Variants in XKR4 observed in about 807,000 individuals in gnomAD.
XKR4 encodes XK related 4.
In XKR4, 12 loss-of-function variants were observed where a neutral mutation model predicts 53.9. The ratio of observed to expected loss-of-function variants is 0.22; its 90% CI spans 0.14 to 0.36. The LOEUF is 0.36. Ranked by LOEUF, XKR4 falls within the 10% of genes least tolerant of loss-of-function variation. XKR4 has a pLI of 1.00. For synonymous variants in XKR4, 354 were observed against 362.4 expected (o/e 0.98, Z 0.26); for missense variants, 799 against 859.5 (o/e 0.93, Z 0.88).
At chr8:55,115,456 T>C (rs922346837) in intron 1 of XKR4, among the ~76,000 whole-genome samples, 1 of 151,898 alleles carries the variant, frequency 6.6e-6, no homozygotes, top group Non-Finnish European at 1.5e-5. Flanking sequence ...ATGTTTTGAA[T>C]GGCAAAAGAA....
chr8:55,320,855 A>C (rs1271349567), intron 1 of XKR4, among the ~76,000 whole-genome samples: 1 of 152,094 alleles, frequency 6.6e-6, no homozygotes, highest in African/African-American at 2.4e-5. Context: ...CTTCTGTCGT[A>C]GTTTTTTATG....
At chr8:55,456,202 C>A (rs896577601) in intron 2 of XKR4, among the ~76,000 whole-genome samples, 1 of 152,092 alleles carries the variant, frequency 6.6e-6, no homozygotes, top group Non-Finnish European at 1.5e-5. Flanking sequence ...AAGGCCAAGG[C>A]GGGCGGATCA....
chr8:55,511,923 C>T (rs1471526762), intron 2 of XKR4, among the ~76,000 whole-genome samples: 1 of 152,088 alleles, frequency 6.6e-6, no homozygotes, highest in African/African-American at 2.4e-5. Flanking sequence ...CCTTCAATCC[C>T]GGGGCATTGA....
chr8:55,510,305 T>C (rs1806607916), intron 2 of XKR4, among the ~76,000 whole-genome samples: 1 of 151,572 alleles, frequency 6.6e-6, no homozygotes, highest in Non-Finnish European at 1.5e-5. Flanking sequence ...AGGAAGGGGG[T>C]CTCCAGGCAG....
At chr8:55,259,170 C>G (rs543213019) in intron 1 of XKR4, among the ~76,000 whole-genome samples, 1 of 152,322 alleles carries the variant, frequency 6.6e-6, no homozygotes, top group Admixed American at 6.5e-5. Context: ...GCACCGGCAT[C>G]CACTGCGCGG....
At chr8:55,454,676 G>A in intron 2 of XKR4, 1 of 940,202 alleles carries the variant, frequency 1.1e-6, no homozygotes, top group South Asian at 1.4e-5. Flanking sequence ...ACGTTCCCTG[G>A]GAACACATTC....
At chr8:55,209,299 C>A (rs1249302775) in intron 1 of XKR4, among the ~76,000 whole-genome samples, 1 of 152,080 alleles carries the variant, frequency 6.6e-6, no homozygotes, top group Non-Finnish European at 1.5e-5. Flanking sequence ...TACACATGGG[C>A]TCCCACACTT....
chr8:55,455,279 G>A (rs1297495844), intron 2 of XKR4: 2 of 165,418 alleles, frequency 1.2e-5, no homozygotes, highest in Non-Finnish European at 1.3e-5. Context: ...CTGCGGCGGC[G>A]GCCCGGGCTC....
intron 1 of XKR4, among the ~76,000 whole-genome samples, chr8:55,122,926 G>T: frequency 6.6e-6 from 1 of 152,150 alleles, no homozygotes; most frequent in Non-Finnish European, 1.5e-5. Context: ...GGTGAAGACG[G>T]AATGGCAGGG....
intron 1 of XKR4, among the ~76,000 whole-genome samples, chr8:55,344,374 T>C (rs1803604164): frequency 6.6e-6 from 1 of 152,028 alleles, no homozygotes; most frequent in Non-Finnish European, 1.5e-5. Context: ...GAACAGGGCT[T>C]AGGACAAAGG....
chr8:55,346,071 T>C (rs1803634408), intron 1 of XKR4, among the ~76,000 whole-genome samples: 1 of 148,936 alleles, frequency 6.7e-6, no homozygotes. Context: ...AGAATTTACA[T>C]TTTCTTTTTC....
chr8:55,231,583 T>A (rs1174569394), intron 1 of XKR4, among the ~76,000 whole-genome samples: 3 of 152,078 alleles, frequency 2.0e-5, no homozygotes, highest in Non-Finnish European at 4.4e-5. Context: ...GGGTTCAAAT[T>A]GAAGTAGCAC....
chr8:55,302,203 T>C (rs1400402365), intron 1 of XKR4, among the ~76,000 whole-genome samples: 1 of 152,342 alleles, frequency 6.6e-6, no homozygotes, highest in East Asian at 1.9e-4. Context: ...CAGTTTCAGC[T>C]TTCTACATAT....
chr8:55,404,412 C>A (rs150952371), intron 2 of XKR4, among the ~76,000 whole-genome samples: 2 of 152,238 alleles, frequency 1.3e-5, no homozygotes, highest in Non-Finnish European at 2.9e-5. Context: ...ATTTAGGAAC[C>A]ATGATCAGCA....
At chr8:55,166,218 G>T (rs904251708) in intron 1 of XKR4, among the ~76,000 whole-genome samples, 2 of 152,158 alleles carry the variant, frequency 1.3e-5, no homozygotes, top group Non-Finnish European at 2.9e-5. Context: ...ATTATATTTG[G>T]TTATAGAAGG....
intron 1 of XKR4, among the ~76,000 whole-genome samples, chr8:55,348,723 G>C (rs76969720): frequency 0.13 from 17,872 of 142,062 alleles, 1,079 homozygotes; most frequent in African/African-American, 0.15. Context: ...CACACACACA[G>C]AGAGAGAGAT....
At position 55,314,714 on chromosome 8, in the gene XKR4, T is replaced by A. The variant is rs371541671; in HGVS notation, c.807-42964T>A. On this transcript the variant is annotated intron_variant, in intron 1 of 2. Transcript: ENST00000327381. The stretch of plus-strand genomic sequence containing the variant: ...AGAATGCGTGTGCACATTAGGGCAA[T>A]TGGTAACAGGCTCCCAAAGTCTGGG... Among the ~76,000 whole-genome samples the A allele has an allele frequency of 2.3e-3, 346 of 152,312 alleles. 14 individuals carry two copies. In the South Asian group the frequency reaches 0.069, roughly 30 times the overall value.
At chr8:55,451,799 G>C in intron 2 of XKR4, 4 of 1,008,828 alleles carry the variant, frequency 4.0e-6, no homozygotes, top group Non-Finnish European at 6.2e-6. Context: ...TGATAGTCGC[G>C]GCAGCAAGCC....
At chr8:55,513,976 T>A (rs912868220) in intron 2 of XKR4, among the ~76,000 whole-genome samples, 1 of 152,214 alleles carries the variant, frequency 6.6e-6, no homozygotes, top group African/African-American at 2.4e-5. Context: ...TATTTTTTCA[T>A]CTGTTTAGGT....
Sources: allele counts gnomAD v4.1 joint callset (sites outside exome capture counted in the v4.1 genomes callset), GRCh38; gene constraint gnomAD v4.1.1; transcripts MANE v1.5; gene names NCBI Gene and HGNC (gene_info 2026-07-23, HGNC 2026-07-21).